Variants in CPT1A observed in about 807,000 individuals in gnomAD.
The protein encoded by CPT1A is carnitine palmitoyltransferase 1A.
CPT1A carries 64 observed loss-of-function variants against 100.8 expected under a neutral mutation model. The ratio of observed to expected loss-of-function variants is 0.63; its 90% CI spans 0.52 to 0.78. CPT1A has a LOEUF of 0.78. Ranked by LOEUF, CPT1A falls within the 30% of genes least tolerant of loss-of-function variation. The pLI, the probability that CPT1A is intolerant of heterozygous loss-of-function variation, is 0.00. For missense variants in CPT1A, 802 were observed against 1,034.1 expected (o/e 0.78, Z 3.08); for synonymous variants, 363 against 396.0 (o/e 0.92, Z 0.99).
chr11:68,784,411 G>A lies in CPT1A; in HGVS notation c.1163+404C>T, dbSNP rs187567080. Among the ~76,000 whole-genome samples the A allele has an allele frequency of 2.1e-3, 318 of 152,168 alleles. 1 individual carries two copies. Among genetic ancestry groups the A allele is most frequent in the African/African-American group, 6.8e-3 (284 of 41,516 alleles). On this transcript the variant is annotated intron_variant, in intron 10 of 18. Transcript: ENST00000265641. ...CCCTGTCTCTACTAGGCATGGTGGC[G>A]CACTCCCAGCTACTGGAGAGGTTGA... is the stretch of plus-strand genomic sequence containing the variant.
intron 9 of CPT1A, among the ~76,000 whole-genome samples, chr11:68,785,542 C>T (rs373897727): frequency 3.0e-3 from 374 of 125,218 alleles, no homozygotes; most frequent in South Asian, 7.4e-3. Flanking sequence ...GCCTGGGTAA[C>T]AGAGTGATAC....
At chr11:68,793,531 G>A in intron 8 of CPT1A, 129 bp from the exon 9 acceptor site, 2 of 649,630 alleles carry the variant, frequency 3.1e-6, no homozygotes, top group Non-Finnish European at 5.5e-6. Context: ...GGATCACGAG[G>A]TCAGTAGATG....
chr11:68,831,425 A>G (rs1201390049), intron 1 of CPT1A, among the ~76,000 whole-genome samples: 1 of 152,200 alleles, frequency 6.6e-6, no homozygotes, highest in African/African-American at 2.4e-5. Context: ...AAAACAAACA[A>G]TAAAACTTGA....
chr11:68,812,022 G>A (rs781148584), intron 3 of CPT1A, among the ~76,000 whole-genome samples: 4 of 152,168 alleles, frequency 2.6e-5, no homozygotes, highest in Non-Finnish European at 5.9e-5. Flanking sequence ...GGACCCCACA[G>A]CAGTCAGTTC....
At chr11:68,817,143 G>A (rs1331862406) in intron 1 of CPT1A, among the ~76,000 whole-genome samples, 2 of 130,704 alleles carry the variant, frequency 1.5e-5, no homozygotes, top group African/African-American at 3.4e-5. Context: ...TTGTGTGGGG[G>A]TGTGTGTGTC....
At chr11:68,836,201 C>A (rs1566393105) in intron 1 of CPT1A, among the ~76,000 whole-genome samples, 1 of 152,182 alleles carries the variant, frequency 6.6e-6, no homozygotes, top group African/African-American at 2.4e-5. Flanking sequence ...GGAAGCCCGG[C>A]GTGGTGGCTC....
In CPT1A at chr11:68,755,099, C is replaced by G; in HGVS notation, c.*2545G>C. ...CTTGGACATGTACAATAAGACCCCT[C>G]TTTCTCCCCTCAAGGAATATAAAAT... On this transcript the variant is annotated 3_prime_UTR_variant, in exon 19 of 19. Transcript: ENST00000265641. 2.1e-6 allele frequency: 1 copy of G among 480,926 alleles called. No homozygotes were observed. Among genetic ancestry groups the G allele is most frequent in the East Asian group, 3.2e-5 (1 of 31,088 alleles). 29.8% of individuals were successfully genotyped at this position (480,926 alleles called of 1,614,324 possible). A position where few individuals can be genotyped will look rare whatever the true frequency, so the allele number is the denominator to read the frequency against.
At position 68,758,501 on chromosome 11, in the gene CPT1A, A is replaced by C. The variant is rs372110440; in HGVS notation, c.2236-771T>G. Among the ~76,000 whole-genome samples, 129 of 152,254 alleles carry C rather than the reference A, an allele frequency of 8.5e-4. 2 individuals carry two copies. In the South Asian group the frequency reaches 0.026, roughly 30 times the overall value. ...TTCTTAGTGTGTACCCATTATTTTT[A>C]GTTCATCTTCCAAGTGCTAAAGAGT... On this transcript the variant is annotated intron_variant, in intron 18 of 18. Coordinates refer to ENST00000265641, the MANE Select transcript of CPT1A (RefSeq NM_001876.4).
chr11:68,772,912 C>A (rs12293710), intron 14 of CPT1A, among the ~76,000 whole-genome samples: 4,609 of 152,130 alleles, frequency 0.03, 215 homozygotes, highest in African/African-American at 0.1. Flanking sequence ...CTGACTATTC[C>A]CCTACCTGCC....
At chr11:68,777,111 G>T (rs547806033) in intron 12 of CPT1A, among the ~76,000 whole-genome samples, 1 of 152,284 alleles carries the variant, frequency 6.6e-6, no homozygotes, top group East Asian at 1.9e-4. Context: ...CTCCAGAAGA[G>T]CCTGACACAG....
Position 68,756,677 on chromosome 11 carries a change from C to G in CPT1A, c.*967G>C, listed in dbSNP as rs1946700280. On this transcript the variant is annotated 3_prime_UTR_variant, in exon 19 of 19. Transcript: ENST00000265641. ...CTTTGGGAAAGAGATCCTCCTGAGG[C>G]ACGTGTCATGTTTTATTCTTGAGTG... 6.6e-6 allele frequency: 1 copy of G among 152,260 alleles called. No homozygotes were observed. The highest frequency in any genetic ancestry group is 2.1e-4 in the South Asian group (1 of 4,834). 9.4% of individuals were successfully genotyped at this position (152,260 alleles called of 1,614,324 possible).
intron 1 of CPT1A, among the ~76,000 whole-genome samples, chr11:68,840,927 C>T (rs1857144323): frequency 6.6e-6 from 1 of 152,052 alleles, no homozygotes; most frequent in Admixed American, 6.5e-5. Flanking sequence ...ACCTTGGGCA[C>T]ATGCTCCGCG....
Position 68,799,217 on chromosome 11 carries a change from C to T in CPT1A, c.693+1G>A, listed in dbSNP as rs1055176086. ...AAGAAAAACTGTGTATACAGACTTA[C>T]GTAATTTGTAGCCCACCAGGATTTT... On this transcript the variant is annotated splice_donor_variant, in intron 6 of 18. Transcript: ENST00000265641. LOFTEE classifies it high-confidence loss of function. The T allele has an allele frequency of 1.2e-5, 20 of 1,613,362 alleles. No homozygotes were observed. The highest frequency in any genetic ancestry group is 2.2e-5 in the East Asian group (1 of 44,866).
chr11:68,806,541 T>C (rs1389584471), intron 4 of CPT1A, among the ~76,000 whole-genome samples: 2 of 149,376 alleles, frequency 1.3e-5, no homozygotes, highest in African/African-American at 2.5e-5. Context: ...GGTGGGAAAA[T>C]CACTTGAGCC....
chr11:68,820,531 A>C (rs953078729), intron 1 of CPT1A, among the ~76,000 whole-genome samples: 11 of 151,936 alleles, frequency 7.2e-5, no homozygotes, highest in Admixed American at 5.9e-4. Flanking sequence ...AAAAATACAA[A>C]AATTAGCTGG....
chr11:68,797,229 C>T (rs1855779042), intron 6 of CPT1A, among the ~76,000 whole-genome samples: 1 of 152,118 alleles, frequency 6.6e-6, no homozygotes, highest in Non-Finnish European at 1.5e-5. Context: ...TGCTTGAGAC[C>T]AGGAGTTCGA....
At chr11:68,786,397 CA>C (rs1855463725) in intron 9 of CPT1A, among the ~76,000 whole-genome samples, 1 of 152,160 alleles carries the variant, frequency 6.6e-6, no homozygotes, top group African/African-American at 2.4e-5. Flanking sequence ...ACAAGTGTCA[CA>C]AAAGGCTAGA....
intron 3 of CPT1A, among the ~76,000 whole-genome samples, chr11:68,809,108 T>C (rs1325240545): frequency 6.6e-6 from 1 of 152,176 alleles, no homozygotes; most frequent in African/African-American, 2.4e-5. Context: ...TTATATACTC[T>C]TTGCTCCAAA....
intron 1 of CPT1A, among the ~76,000 whole-genome samples, chr11:68,824,195 C>T (rs998916630): frequency 1.4e-5 from 2 of 147,732 alleles, no homozygotes; most frequent in Non-Finnish European, 3.0e-5. Flanking sequence ...TTGCAGTGAG[C>T]TGAGATCGGG....
Sources: allele counts gnomAD v4.1 joint callset (sites outside exome capture counted in the v4.1 genomes callset), GRCh38; gene constraint gnomAD v4.1.1; transcripts MANE v1.5; gene names NCBI Gene and HGNC (gene_info 2026-07-23, HGNC 2026-07-21).